Variants in TF observed in about 807,000 individuals in gnomAD.
TF encodes serotransferrin.
TF carries 55 observed loss-of-function variants against 82.4 expected under a neutral mutation model. That is an observed-to-expected ratio of 0.67 (90% CI 0.54 to 0.84). TF has a LOEUF of 0.84. Among genes scored for constraint, TF ranks in the 40% least tolerant of loss-of-function variants. The pLI, the probability that TF is intolerant of heterozygous loss-of-function variation, is 0.00. For synonymous variants in TF, 332 were observed against 332.6 expected, an observed-to-expected ratio of 1.00 and a Z score of 0.02; for missense variants, 737 against 868.4, an observed-to-expected ratio of 0.85 and a Z score of 1.90.
At chr3:133,764,102 C>A (rs1465425569) in intron 9 of TF, 80 bp from the exon 10 acceptor site, 2 of 1,275,290 alleles carry the variant, frequency 1.6e-6, no homozygotes, top group African/African-American at 1.5e-5. Flanking sequence ...GGAAAGGCTG[C>A]TTCAAGGAAA....
chr3:133,663,806 T>C, the TF span, among the ~76,000 whole-genome samples: 1 of 152,114 alleles, frequency 6.6e-6, no homozygotes, highest in Admixed American at 6.5e-5. Flanking sequence ...CTGGGCCAAG[T>C]AGAGACCTCA....
At chr3:133,705,501 A>G in the TF span, among the ~76,000 whole-genome samples, 2 of 152,112 alleles carry the variant, frequency 1.3e-5, no homozygotes, top group Admixed American at 6.6e-5. Context: ...GAGCACCTCC[A>G]CTTTCTTTGC....
intron 9 of TF, chr3:133,762,350 C>G (rs1934017244): frequency 6.5e-6 from 1 of 154,808 alleles, no homozygotes; most frequent in Non-Finnish European, 1.5e-5. Context: ...AGTTGTGAAA[C>G]AGAAGATGAG....
At chr3:133,699,362 A>T in the TF span, 1 of 698,690 alleles carries the variant, frequency 1.4e-6, no homozygotes, top group Non-Finnish European at 2.3e-6. Flanking sequence ...CACATATTTG[A>T]TGGTTCGGTG....
the TF span, among the ~76,000 whole-genome samples, chr3:133,681,358 A>T: frequency 6.6e-6 from 1 of 152,222 alleles, no homozygotes; most frequent in Non-Finnish European, 1.5e-5. Context: ...TGGGTGCAGG[A>T]CAGTCGGTGC....
Position 133,746,492 on chromosome 3 carries a change from G to T in TF, c.43+9G>T. 1.3e-6 allele frequency: 2 copies of T among 1,595,532 alleles called. No individual in the cohort carries two copies. Among genetic ancestry groups the T allele is most frequent in the Non-Finnish European group, 8.5e-7 (1 of 1,176,112 alleles). On this transcript the variant is annotated intron_variant, in intron 1 of 16. Transcript: ENST00000402696. Reference sequence around the variant, plus strand: ...GGTCTGCGCCGTCCTGGGTGAGTGCGGGCACGGGGTAGCACCGCAGAGTCG... The same window carrying T: ...GGTCTGCGCCGTCCTGGGTGAGTGCTGGCACGGGGTAGCACCGCAGAGTCG...
In TF at chr3:133,776,768, G is replaced by A. The variant is rs190314800; in HGVS notation, c.1873-281G>A. On this transcript the variant is annotated intron_variant, in intron 15 of 16. Coordinates refer to ENST00000402696, the MANE Select transcript of TF (RefSeq NM_001063.4). ...CAGTGAAGGGCAATGAAGTGGGGAA[G>A]AGAGGTCAGAGTAGGCAGGCATGGG... Among the ~76,000 whole-genome samples, 6 of 152,266 alleles carry A rather than the reference G, an allele frequency of 3.9e-5. No individual in the cohort carries two copies. In the East Asian group the frequency reaches 1.2e-3, roughly 29 times the overall value.
At chr3:133,748,867 G>A (rs1421949733) in intron 2 of TF, among the ~76,000 whole-genome samples, 1 of 152,150 alleles carries the variant, frequency 6.6e-6, no homozygotes, top group African/African-American at 2.4e-5. Context: ...ATATAAGAAT[G>A]CCTGCTATCA....
intron 14 of TF, chr3:133,773,244 A>C (rs2718798): frequency 0.55 from 83,773 of 151,318 alleles, 23,549 homozygotes; most frequent in Non-Finnish European, 0.6. Flanking sequence ...CTCACTGCAA[A>C]CTCCGCCTCC....
In TF at chr3:133,787,925, T is replaced by C. The variant is rs1366371740; in HGVS notation, c.*9305T>C. 6.6e-6 allele frequency: 1 copy of C among 152,212 alleles called. No homozygotes were observed. The highest frequency in any genetic ancestry group is 1.9e-4 in the East Asian group (1 of 5,200). The allele number at this position is 152,212 out of a possible 1,614,324, so 9.4% of individuals were successfully genotyped here. On this transcript the variant is annotated 3_prime_UTR_variant, in exon 17 of 17. Transcript: ENST00000402696. The stretch of plus-strand genomic sequence containing the variant: ...AAAAAGACTATCTTCTGAAAACGAC[T>C]TTTGGAAGTGAAATGATAACATCAA...
chr3:133,724,384 A>C, the TF span, among the ~76,000 whole-genome samples: 1 of 152,042 alleles, frequency 6.6e-6, no homozygotes, highest in Non-Finnish European at 1.5e-5. Context: ...TGTGGTTTTG[A>C]TTTGCATTTC....
rs146645802 is a variant in TF, at chr3:133,783,527, T to C, written c.*4907T>C. On this transcript the variant is annotated 3_prime_UTR_variant, in exon 17 of 17. Coordinates refer to ENST00000402696, the MANE Select transcript of TF (RefSeq NM_001063.4). ...CTATGTTAACATATTTCTTATATAG[T>C]ACTTAGATTTTCCAACATTCCACAA... is the stretch of plus-strand genomic sequence containing the variant. 2.0e-5 allele frequency: 3 copies of C among 152,296 alleles called. No individual in the cohort carries two copies. Among genetic ancestry groups the C allele is most frequent in the Admixed American group, 2.0e-4 (3 of 15,310 alleles). 9.4% of individuals were successfully genotyped at this position (152,296 alleles called of 1,614,324 possible). A position where few individuals can be genotyped will look rare whatever the true frequency, so the allele number is the denominator to read the frequency against.
In TF at chr3:133,784,212, C is replaced by G. The variant is rs1934588376; in HGVS notation, c.*5592C>G. 1 of 152,248 alleles carries G rather than the reference C, an allele frequency of 6.6e-6. No homozygotes were observed. Among genetic ancestry groups the G allele is most frequent in the Non-Finnish European group, 1.5e-5 (1 of 68,098 alleles). The allele number at this position is 152,248 out of a possible 1,614,324, so 9.4% of individuals were successfully genotyped here. ...ATCGCCCAGCTCGTCTTCCTTCTACCAGACGCTGGTGCTGGAAAAGAGAAG... is the reference window on the plus strand; with the variant it reads ...ATCGCCCAGCTCGTCTTCCTTCTACGAGACGCTGGTGCTGGAAAAGAGAAG... On this transcript the variant is annotated 3_prime_UTR_variant, in exon 17 of 17. Coordinates refer to ENST00000402696, the MANE Select transcript of TF (RefSeq NM_001063.4).
At chr3:133,719,187 T>C in the TF span, among the ~76,000 whole-genome samples, 2 of 152,164 alleles carry the variant, frequency 1.3e-5, no homozygotes, top group Non-Finnish European at 2.9e-5. Flanking sequence ...TATAGGAGTG[T>C]GATAAAATTC....
chr3:133,772,504 T>C (rs946236553), intron 14 of TF, among the ~76,000 whole-genome samples: 1 of 152,184 alleles, frequency 6.6e-6, no homozygotes, highest in African/African-American at 2.4e-5. Flanking sequence ...TGCAATTGTA[T>C]TTTTTTACGT....
chr3:133,727,214 A>G, the TF span, among the ~76,000 whole-genome samples: 1 of 152,084 alleles, frequency 6.6e-6, no homozygotes, highest in Non-Finnish European at 1.5e-5. Flanking sequence ...TATCCTTGTT[A>G]ACTTTCTGTC....
At chr3:133,725,011 C>A in the TF span, among the ~76,000 whole-genome samples, 3 of 152,226 alleles carry the variant, frequency 2.0e-5, no homozygotes, top group South Asian at 6.2e-4. Context: ...TTCCATTGAT[C>A]TATATCTCTG....
At chr3:133,697,647 C>A in the TF span, among the ~76,000 whole-genome samples, 9 of 152,168 alleles carry the variant, frequency 5.9e-5, no homozygotes, top group Admixed American at 5.9e-4. Flanking sequence ...CTGCTGCCCC[C>A]CTGGGCCTTT....
At chr3:133,753,047 C>T (rs1933719709) in intron 2 of TF, among the ~76,000 whole-genome samples, 1 of 152,020 alleles carries the variant, frequency 6.6e-6, no homozygotes, top group Admixed American at 6.6e-5. Flanking sequence ...TCAAGGTTCC[C>T]ATCTTCCCCC....
Sources: gnomAD v4.1 joint callset for allele counts (sites outside exome capture counted in the v4.1 genomes callset) on GRCh38, gnomAD v4.1.1 for gene constraint, MANE v1.5 for transcripts, NCBI Gene and HGNC (gene_info 2026-07-23, HGNC 2026-07-21) for gene names.